Variants in METTL15 observed in about 807,000 individuals in gnomAD.
METTL15 encodes the protein methyltransferase 15, mitochondrial 12S rRNA N4-cytidine.
Under a neutral mutation model 38.3 loss-of-function variants are expected in METTL15, and 34 were observed. The ratio of observed to expected loss-of-function variants is 0.89; its 90% confidence interval spans 0.68 to 1.18. The LOEUF (loss-of-function observed/expected upper bound fraction) is 1.18, where lower values mean the gene tolerates loss of function less well. METTL15 is among the 50% of genes most tolerant of loss of function. METTL15 has a pLI of 0.00. For missense variants in METTL15, 438 were observed against 498.4 expected (o/e 0.88, Z 1.15); for synonymous variants, 162 against 170.9 (o/e 0.95, Z 0.41).
intron 3 of METTL15, among the ~76,000 whole-genome samples, chr11:28,183,053 CTGTT>C (rs971200865): frequency 1.8e-4 from 27 of 151,998 alleles, no homozygotes; most frequent in South Asian, 4.1e-4. Context: ...ATTTGGCTCT[CTGTT>C]TGTCTGTTAT....
At chr11:28,392,703 G>T (rs1041267898) in intron 5 of METTL15, among the ~76,000 whole-genome samples, 6 of 152,054 alleles carry the variant, frequency 3.9e-5, no homozygotes, top group African/African-American at 1.4e-4. Context: ...GGAAACAACA[G>T]AGTGAAAAGG....
intron 3 of METTL15, among the ~76,000 whole-genome samples, chr11:28,203,946 A>C (rs1852212101): frequency 6.6e-6 from 1 of 151,998 alleles, no homozygotes; most frequent in Non-Finnish European, 1.5e-5. Context: ...ATGTTAAATG[A>C]CTCTAAAAAG....
intron 6 of METTL15, among the ~76,000 whole-genome samples, chr11:28,429,350 GCCCTCTCCCTCTCCCTCT>G (rs1169253929): frequency 3.6e-4 from 12 of 33,374 alleles, no homozygotes; most frequent in Admixed American, 7.8e-4. Flanking sequence ...GTAAACAGTA[GCCCTCTCCCTCTCCCTCT>G]CCCTCTCCCT....
intron 6 of METTL15, among the ~76,000 whole-genome samples, chr11:28,477,154 A>G (rs1851353907): frequency 6.6e-6 from 1 of 152,098 alleles, no homozygotes; most frequent in Admixed American, 6.5e-5. Context: ...TTTTTGTTCC[A>G]GTTTCTTTAT....
At chr11:28,414,492 G>A (rs1189867439) in intron 5 of METTL15, among the ~76,000 whole-genome samples, 1 of 152,042 alleles carries the variant, frequency 6.6e-6, no homozygotes, top group Non-Finnish European at 1.5e-5. Context: ...AGAGGGGCAA[G>A]GAATAGAGCC....
chr11:28,312,717 C>CT (rs1445299198), intron 6 of METTL15, among the ~76,000 whole-genome samples: 4 of 152,054 alleles, frequency 2.6e-5, no homozygotes, highest in Non-Finnish European at 5.9e-5. Flanking sequence ...TGCCTTCTCG[C>CT]TATGTCATCT....
chr11:28,502,132 C>T (rs1460212566), intron 6 of METTL15, among the ~76,000 whole-genome samples: 1 of 151,552 alleles, frequency 6.6e-6, no homozygotes, highest in East Asian at 1.9e-4. Flanking sequence ...AAAGCTCTTC[C>T]ACAAGGGCAC....
intron 3 of METTL15, among the ~76,000 whole-genome samples, chr11:28,186,332 TATC>T (rs1407903781): frequency 5.9e-5 from 9 of 151,338 alleles, no homozygotes; most frequent in Non-Finnish European, 1.0e-4. Context: ...TTTTGTGTAT[TATC>T]AATATTTGCA....
intron 6 of METTL15, among the ~76,000 whole-genome samples, chr11:28,520,923 G>C (rs1358491546): frequency 6.6e-6 from 1 of 152,062 alleles, no homozygotes; most frequent in Non-Finnish European, 1.5e-5. Context: ...TATGAAAACA[G>C]TTTATTTTCT....
At chr11:28,325,368 TG>T (rs1849601165) in intron 6 of METTL15, among the ~76,000 whole-genome samples, 1 of 152,186 alleles carries the variant, frequency 6.6e-6, no homozygotes, top group Non-Finnish European at 1.5e-5. Flanking sequence ...ACATAGGTCT[TG>T]GATACACAGG....
chr11:28,378,584 CCT>C (rs1564912571), intron 5 of METTL15, among the ~76,000 whole-genome samples: 2 of 152,114 alleles, frequency 1.3e-5, no homozygotes, highest in African/African-American at 4.8e-5. Flanking sequence ...GAACCGGGTA[CCT>C]CAGATGGAAA....
intron 3 of METTL15, among the ~76,000 whole-genome samples, chr11:28,173,839 A>C (rs1323169838): frequency 6.6e-6 from 1 of 152,188 alleles, no homozygotes; most frequent in Non-Finnish European, 1.5e-5. Context: ...ATTTTGTAGA[A>C]TGCCTCTCTA....
At chr11:28,277,543 C>A (rs138165909) in intron 4 of METTL15, among the ~76,000 whole-genome samples, 12 of 152,010 alleles carry the variant, frequency 7.9e-5, no homozygotes, top group African/African-American at 2.7e-4. Context: ...ACTAAACATA[C>A]AAAAATTAGC....
intron 5 of METTL15, among the ~76,000 whole-genome samples, chr11:28,423,428 A>G (rs563790920): frequency 1.3e-5 from 2 of 152,120 alleles, no homozygotes; most frequent in Non-Finnish European, 2.9e-5. Flanking sequence ...ACTACTCACA[A>G]TAGCCAAGAT....
intron 6 of METTL15, among the ~76,000 whole-genome samples, chr11:28,314,966 G>C (rs1274317733): frequency 6.6e-6 from 1 of 152,194 alleles, no homozygotes. Flanking sequence ...CAGCCATGTG[G>C]AACTGTAAGT....
chr11:28,129,738 A>G (rs371170402), intron 3 of METTL15, among the ~76,000 whole-genome samples: 102 of 152,274 alleles, frequency 6.7e-4, no homozygotes, highest in African/African-American at 2.3e-3. Context: ...AATATGCTAT[A>G]AAAGAACTTT....
chr11:28,341,234 G>A (rs549669268), intron 3 of METTL15, among the ~76,000 whole-genome samples: 2 of 152,212 alleles, frequency 1.3e-5, no homozygotes, highest in East Asian at 3.9e-4. Flanking sequence ...ACTGGTTGAT[G>A]GATGCAACAA....
downstream of METTL15, among the ~76,000 whole-genome samples, chr11:28,528,583 A>AT (rs1351218663): frequency 6.6e-6 from 1 of 152,136 alleles, no homozygotes; most frequent in African/African-American, 2.4e-5. Flanking sequence ...CAACGGTCCA[A>AT]TTTTTTCAAA....
intron 6 of METTL15, among the ~76,000 whole-genome samples, chr11:28,507,253 A>C (rs1021657959): frequency 6.6e-6 from 1 of 152,172 alleles, no homozygotes; most frequent in African/African-American, 2.4e-5. Flanking sequence ...CAAACTTACA[A>C]TCATGATAGA....
Sources: allele counts gnomAD v4.1 joint callset (sites outside exome capture counted in the v4.1 genomes callset), GRCh38; gene constraint gnomAD v4.1.1; transcripts MANE v1.5; gene names NCBI Gene and HGNC (gene_info 2026-07-23, HGNC 2026-07-21).